Variants in GSN observed in about 807,000 individuals in gnomAD.
GSN encodes actin-depolymerizing factor.
GSN carries 56 observed loss-of-function variants against 85.7 expected under a neutral mutation model. The observed-to-expected ratio is 0.65, with a 90% confidence interval of 0.53 to 0.82. GSN has a LOEUF of 0.82. GSN is among the 40% of genes least tolerant of loss of function. GSN has a pLI of 0.00. For synonymous variants in GSN, 373 were observed against 399.1 expected, an observed-to-expected ratio of 0.93 and a Z score of 0.78; for missense variants, 857 against 979.8, an observed-to-expected ratio of 0.87 and a Z score of 1.67.
At chr9:121,287,064 A>AGTCTTGGAGCCTCCGACTCCAT (rs2058187922) in intron 2 of GSN, among the ~76,000 whole-genome samples, 3 of 152,254 alleles carry the variant, frequency 2.0e-5, no homozygotes, top group African/African-American at 7.2e-5. Flanking sequence ...TGAGACTCCA[A>AGTCTTGGAGCCTCCGACTCCAT]GTCTTGGAGC....
At chr9:121,237,982 C>G (rs186079740) in intron 5 of GSN, 1 of 152,182 alleles carries the variant, frequency 6.6e-6, no homozygotes, top group African/African-American at 2.4e-5. Context: ...CAATATGTTA[C>G]GTATTCTTTG....
intron 1 of GSN, among the ~76,000 whole-genome samples, chr9:121,275,592 C>T (rs2056569340): frequency 6.6e-6 from 1 of 152,088 alleles, no homozygotes; most frequent in African/African-American, 2.4e-5. Flanking sequence ...TGTGGGCTAG[C>T]CTGTATCCAT....
chr9:121,310,793 T>C lies in GSN; in HGVS notation c.461T>C (p.Val154Ala). 1 of 1,614,132 alleles carries C rather than the reference T, an allele frequency of 6.2e-7. No individual in the cohort carries two copies. The highest frequency in any genetic ancestry group is 8.5e-7 in the Non-Finnish European group (1 of 1,180,010). The stretch of plus-strand genomic sequence containing the variant: ...GTGGTCCGTGCCACCGAGGTACCTG[T>C]GTCCTGGGAGAGCTTCAACAATGGC... ...RRVVRATEVPVSWESFNNGDC... is the reference protein window; with the variant it reads ...RRVVRATEVPASWESFNNGDC... Residue 154 changes from valine (V) to alanine (A), a missense_variant, in exon 5 of 18, where the codon GTG becomes GCG. Transcript: ENST00000432226.
intron 6 of GSN, among the ~76,000 whole-genome samples, chr9:121,255,275 G>A (rs1166351248): frequency 2.0e-5 from 3 of 152,084 alleles, no homozygotes; most frequent in South Asian, 2.1e-4. Context: ...ACAGGGTCTC[G>A]CTATGTCACC....
intron 1 of GSN, among the ~76,000 whole-genome samples, chr9:121,273,865 TGAGA>T (rs1554785709): frequency 1.3e-5 from 2 of 152,230 alleles, no homozygotes; most frequent in Admixed American, 6.5e-5. Context: ...ACAAAAAGGC[TGAGA>T]GAAACAGGAT....
At chr9:121,325,906 C>G (rs1351431486) in intron 12 of GSN, among the ~76,000 whole-genome samples, 1 of 151,952 alleles carries the variant, frequency 6.6e-6, no homozygotes, top group African/African-American at 2.4e-5. Context: ...GGTGGTGGGT[C>G]GTGGTGGGAA....
At chr9:121,251,214 A>C (rs1588484175) in intron 6 of GSN, among the ~76,000 whole-genome samples, 1 of 15,012 alleles carries the variant, frequency 6.7e-5, no homozygotes, top group East Asian at 1.6e-3. Context: ...ATGGATTCTC[A>C]CTCTTCACCC....
At chr9:121,331,289 C>T (rs2063855750) in intron 16 of GSN, 99 bp from the exon 17 acceptor site, 1 of 754,802 alleles carries the variant, frequency 1.3e-6, no homozygotes, top group African/African-American at 1.7e-5. Context: ...AAGGGGAGGG[C>T]TTTGTCTGGT....
chr9:121,250,910 T>C lies in GSN; in HGVS notation c.-341+2587T>C, dbSNP rs183174774. On this transcript the variant is annotated intron_variant, in intron 6 of 24. Coordinates refer to the GSN transcript ENST00000373823. ...GTGTGTGTGTGTGTGTGTGTGTGTGTGCTTTGAGACAGGTCTGGCTCCTAC... is the reference window on the plus strand; with the variant it reads ...GTGTGTGTGTGTGTGTGTGTGTGTGCGCTTTGAGACAGGTCTGGCTCCTAC... Among the ~76,000 whole-genome samples, 852 of 143,934 alleles carry C rather than the reference T, an allele frequency of 5.9e-3. 10 individuals carry two copies. The highest frequency in any genetic ancestry group is 0.02 in the African/African-American group (794 of 39,278). The allele number at this position is 143,934 out of a possible 152,430, so 94.4% of individuals were successfully genotyped here. A position where few individuals can be genotyped will look rare whatever the true frequency, so the allele number is the denominator to read the frequency against.
At position 121,302,985 on chromosome 9, in the gene GSN, C is replaced by G; in HGVS notation, c.271C>G (p.Arg91Gly). Residue 91 changes from arginine to glycine, a missense_variant, in exon 4 of 18, where the codon CGG becomes GGG. By Grantham distance (125) the Arg-to-Gly change is moderately radical. Transcript: ENST00000432226. ...GCAGCTGGATGACTACCTGAACGGC[C>G]GGGCCGTGCAGCACCGTGAGGTCCA... is the stretch of plus-strand genomic sequence containing the variant. ...TVQLDDYLNG[R>G]AVQHREVQGF... is the part of the protein sequence containing the mutation. 1 of 1,613,970 alleles carries G rather than the reference C, an allele frequency of 6.2e-7. No homozygotes were observed. The highest frequency in any genetic ancestry group is 1.1e-5 in the South Asian group (1 of 91,086).
At chr9:121,224,670 T>G (rs1373427342) in intron 4 of GSN, among the ~76,000 whole-genome samples, 1 of 148,612 alleles carries the variant, frequency 6.7e-6, no homozygotes, top group Non-Finnish European at 1.5e-5. Context: ...TGGGAATGAC[T>G]GGGGACCCAT....
At chr9:121,324,134 A>C (rs1408863657) in intron 11 of GSN, among the ~76,000 whole-genome samples, 1 of 152,202 alleles carries the variant, frequency 6.6e-6, no homozygotes, top group Non-Finnish European at 1.5e-5. Flanking sequence ...TGTTCATGGG[A>C]GGCTTAATCA....
In GSN at chr9:121,256,936, T is replaced by A. The variant is rs2054975290; in HGVS notation, c.-340-8218T>A. 2.0e-5 allele frequency among the ~76,000 whole-genome samples: 3 copies of A among 152,132 alleles called. 1 individual carries two copies. Among genetic ancestry groups the A allele is most frequent in the Non-Finnish European group, 4.4e-5 (3 of 68,014 alleles). ...AGGAATAAGTTCTAGAATTTGATAG[T>A]ACAGTAAATTATAATTAACAATAAT... On this transcript the variant is annotated intron_variant, in intron 6 of 24. Transcript: ENST00000373823.
intron 11 of GSN, 118 bp downstream of exon 11, chr9:121,321,519 AG>A (rs2062449686): frequency 3.2e-6 from 3 of 941,022 alleles, no homozygotes; most frequent in Admixed American, 4.4e-5. Flanking sequence ...CTGCTGGGAG[AG>A]GCTTTTGTCC....
intron 4 of GSN, among the ~76,000 whole-genome samples, chr9:121,217,068 ATTCAAC>A (rs2054077233): frequency 6.6e-6 from 1 of 152,178 alleles, no homozygotes; most frequent in South Asian, 2.1e-4. Flanking sequence ...CTTTTTTAAA[ATTCAAC>A]TTTGGCTGGG....
intron 5 of GSN, among the ~76,000 whole-genome samples, chr9:121,246,753 A>G (rs2054707776): frequency 6.6e-6 from 1 of 152,140 alleles, no homozygotes. Context: ...CATCATGGAA[A>G]ACTTGCACAA....
intron 5 of GSN, chr9:121,240,071 A>T (rs904049635): frequency 1.3e-5 from 2 of 153,246 alleles, no homozygotes; most frequent in African/African-American, 4.8e-5. Flanking sequence ...CATCGCCTGC[A>T]GCGCCATCAT....
intron 6 of GSN, among the ~76,000 whole-genome samples, chr9:121,252,682 A>G (rs1214203660): frequency 6.6e-6 from 1 of 152,164 alleles, no homozygotes; most frequent in Non-Finnish European, 1.5e-5. Flanking sequence ...CAACTTCAAT[A>G]TGGTGGCCTC....
chr9:121,290,096 G>A (rs1386100134), intron 2 of GSN, among the ~76,000 whole-genome samples: 1 of 152,152 alleles, frequency 6.6e-6, no homozygotes, highest in Non-Finnish European at 1.5e-5. Context: ...TTTATGTACT[G>A]TCTTGGTGGG....
Sources: gnomAD v4.1 joint callset for allele counts (sites outside exome capture counted in the v4.1 genomes callset) on GRCh38, gnomAD v4.1.1 for gene constraint, MANE v1.5 for transcripts, NCBI Gene and HGNC (gene_info 2026-07-23, HGNC 2026-07-21) for gene names.